SORCS3: variants seen among roughly 807,000 people sequenced by gnomAD.
SORCS3 encodes VPS10 domain-containing receptor SorCS3.
A neutral mutation model predicts 146.3 loss-of-function variants in SORCS3; 57 were observed. That is an observed-to-expected ratio of 0.39 (90% CI 0.31 to 0.49). The LOEUF is 0.49. Ranked by LOEUF, SORCS3 falls within the 20% of genes least tolerant of loss-of-function variation. The pLI, the probability that SORCS3 is intolerant of heterozygous loss-of-function variation, is 0.92. For synonymous variants in SORCS3, 653 were observed against 618.5 expected, an observed-to-expected ratio of 1.06 and a Z score of -0.83; for missense variants, 1,341 against 1,575.5, an observed-to-expected ratio of 0.85 and a Z score of 2.52.
chr10:105,045,913 G>A (rs1369697283), intron 5 of SORCS3, among the ~76,000 whole-genome samples: 1 of 152,112 alleles, frequency 6.6e-6, no homozygotes, highest in Non-Finnish European at 1.5e-5. Context: ...TCTCGTGTAC[G>A]GTAAGGCTGG....
intron 2 of SORCS3, among the ~76,000 whole-genome samples, chr10:104,858,681 G>A (rs1483983832): frequency 1.3e-5 from 2 of 151,354 alleles, no homozygotes; most frequent in Non-Finnish European, 2.9e-5. Context: ...GAGTGCAATG[G>A]TGTGATCTCG....
At chr10:104,657,902 A>G (rs2015652647) in intron 1 of SORCS3, among the ~76,000 whole-genome samples, 1 of 152,228 alleles carries the variant, frequency 6.6e-6, no homozygotes, top group South Asian at 2.1e-4. Flanking sequence ...AATATAGGGA[A>G]TTGTACTTTA....
intron 4 of SORCS3, among the ~76,000 whole-genome samples, chr10:104,979,819 A>G (rs1384925033): frequency 6.6e-6 from 1 of 152,228 alleles, no homozygotes; most frequent in African/African-American, 2.4e-5. Flanking sequence ...GAGGCTTAGT[A>G]TAGCCAGAAA....
At chr10:105,008,863 T>C (rs1370782263) in intron 4 of SORCS3, among the ~76,000 whole-genome samples, 3 of 152,272 alleles carry the variant, frequency 2.0e-5, no homozygotes, top group East Asian at 3.9e-4. Context: ...CCCAGGCTGG[T>C]CTTAAACTCA....
chr10:104,954,936 C>T lies in SORCS3; in HGVS notation c.796-22399C>T, dbSNP rs570100392. On this transcript the variant is annotated intron_variant, in intron 3 of 26. Transcript: ENST00000369701. ...GAGAAAGGCTGAAACCAATGAGTCC[C>T]GGACCCAGTTCTTTTATTTATATAG... 3.3e-5 allele frequency among the ~76,000 whole-genome samples: 5 copies of T among 152,166 alleles called. No homozygotes were observed. In the South Asian group the frequency reaches 8.3e-4, roughly 25 times the overall value.
intron 20 of SORCS3, among the ~76,000 whole-genome samples, chr10:105,243,631 C>A (rs1050723445): frequency 6.6e-6 from 1 of 152,198 alleles, no homozygotes; most frequent in Non-Finnish European, 1.5e-5. Context: ...AATGCCTGAA[C>A]TCTGAGGTTT....
chr10:105,149,385 C>T (rs2056153111), intron 9 of SORCS3, among the ~76,000 whole-genome samples: 1 of 152,100 alleles, frequency 6.6e-6, no homozygotes, highest in Admixed American at 6.6e-5. Context: ...TGAAATAATT[C>T]CCTTAAACAA....
chr10:105,002,975 A>G (rs1288683476), intron 4 of SORCS3, among the ~76,000 whole-genome samples: 1 of 152,178 alleles, frequency 6.6e-6, no homozygotes, highest in Admixed American at 6.5e-5. Context: ...CTACCCTACT[A>G]GGTAAGTGCT....
intron 4 of SORCS3, among the ~76,000 whole-genome samples, chr10:105,016,003 C>T (rs1426005557): frequency 1.3e-5 from 2 of 151,484 alleles, no homozygotes; most frequent in Non-Finnish European, 2.9e-5. Context: ...GCTGGGATTA[C>T]AGGAGTGAGC....
intron 13 of SORCS3, among the ~76,000 whole-genome samples, chr10:105,170,374 T>C (rs927990860): frequency 6.6e-6 from 1 of 152,178 alleles, no homozygotes; most frequent in Non-Finnish European, 1.5e-5. Context: ...CCTTGTTCAA[T>C]GTAATATATC....
At chr10:105,020,507 A>G (rs2133688283) in intron 4 of SORCS3, among the ~76,000 whole-genome samples, 1 of 152,282 alleles carries the variant, frequency 6.6e-6, no homozygotes, top group Middle Eastern at 3.4e-3. Context: ...AATATTGGGG[A>G]TAGTAAGACC....
In SORCS3 at chr10:104,695,987, T is replaced by C. The variant is rs571501115; in HGVS notation, c.627+54033T>C. On this transcript the variant is annotated intron_variant, in intron 1 of 26. Transcript: ENST00000369701. ...CACATATAATATATATAATATGTATTATATACACACATATAATATATATAA... is the reference window on the plus strand; with the variant it reads ...CACATATAATATATATAATATGTATCATATACACACATATAATATATATAA... Among the ~76,000 whole-genome samples, 204 of 129,650 alleles carry C rather than the reference T, an allele frequency of 1.6e-3. 1 individual carries two copies. The highest frequency in any genetic ancestry group is 5.6e-3 in the African/African-American group (188 of 33,636). 85.1% of individuals were successfully genotyped at this position (129,650 alleles called of 152,430 possible). A position where few individuals can be genotyped will look rare whatever the true frequency, so the allele number is the denominator to read the frequency against.
At chr10:105,231,032 C>G (rs1308080508) in intron 20 of SORCS3, among the ~76,000 whole-genome samples, 3 of 152,146 alleles carry the variant, frequency 2.0e-5, no homozygotes, top group Non-Finnish European at 4.4e-5. Context: ...CTCACTTGCC[C>G]TTTTCTCATA....
At chr10:104,832,426 G>C (rs1205618736) in intron 1 of SORCS3, among the ~76,000 whole-genome samples, 4 of 152,070 alleles carry the variant, frequency 2.6e-5, no homozygotes, top group African/African-American at 9.7e-5. Context: ...CAGTTCAATA[G>C]AACAGGTGTG....
At position 105,037,685 on chromosome 10, in the gene SORCS3, C is replaced by G. The variant is rs937149908; in HGVS notation, c.955-5370C>G. Among the ~76,000 whole-genome samples the G allele has an allele frequency of 9.2e-5, 14 of 152,262 alleles. 1 individual carries two copies. Among genetic ancestry groups the G allele is most frequent in the Admixed American group, 2.0e-4 (3 of 15,298 alleles). On this transcript the variant is annotated intron_variant, in intron 4 of 26. Transcript: ENST00000369701. ...CAGTCATACTGGATTAGGGCCCACC[C>G]TAACACCCTCATTTTAACTTGATTA...
intron 2 of SORCS3, among the ~76,000 whole-genome samples, chr10:104,873,827 G>A (rs1248051108): frequency 2.6e-5 from 4 of 152,088 alleles, no homozygotes; most frequent in African/African-American, 9.7e-5. Flanking sequence ...CAACCAGTTC[G>A]GCTAATAGCT....
Position 104,671,325 on chromosome 10 carries a change from C to CTTTTTTTTTTTTTTTTT in SORCS3, c.627+29382_627+29398dup, listed in dbSNP as rs771029154. 5.7e-3 allele frequency among the ~76,000 whole-genome samples: 109 copies of CTTTTTTTTTTTTTTTTT among 19,202 alleles called. 43 individuals are homozygous for CTTTTTTTTTTTTTTTTT. Among genetic ancestry groups the CTTTTTTTTTTTTTTTTT allele is most frequent in the Admixed American group, 0.012 (10 of 814 alleles). 12.6% of individuals were successfully genotyped at this position (19,202 alleles called of 152,430 possible). ...ATGTTAAGGTAGTTTCATTCTTTTC[C>CTTTTTTTTTTTTTTTTT]TTTTTTTTTTTTTTTTTTTTTTTTT... is the stretch of plus-strand genomic sequence containing the variant. On this transcript the variant is annotated intron_variant, in intron 1 of 26. Transcript: ENST00000369701.
At chr10:104,835,138 C>T (rs918380017) in intron 1 of SORCS3, among the ~76,000 whole-genome samples, 3 of 152,056 alleles carry the variant, frequency 2.0e-5, no homozygotes, top group African/African-American at 4.8e-5. Flanking sequence ...CAGACATTCT[C>T]GTACTGTGGG....
At chr10:104,879,146 A>C (rs1402976979) in intron 2 of SORCS3, among the ~76,000 whole-genome samples, 1 of 152,222 alleles carries the variant, frequency 6.6e-6, no homozygotes, top group East Asian at 1.9e-4. Context: ...AATTACCAAC[A>C]TGTAGTGGCA....
Sources: allele counts gnomAD v4.1 joint callset (sites outside exome capture counted in the v4.1 genomes callset), GRCh38; gene constraint gnomAD v4.1.1; transcripts MANE v1.5; gene names NCBI Gene and HGNC (gene_info 2026-07-23, HGNC 2026-07-21).